The following VWA2 variants were observed in gnomAD, a reference collection of about 807,000 sequenced individuals.
The protein encoded by VWA2 is von Willebrand factor A domain containing 2, also known as von Willebrand factor A domain-containing protein 2.
A neutral mutation model predicts 70.4 loss-of-function variants in VWA2; 73 were observed. That is an observed-to-expected ratio of 1.04 (90% CI 0.86 to 1.26). The LOEUF is 1.26. VWA2 is among the 50% of genes most tolerant of loss of function. The pLI is 0.00. For missense variants in VWA2, 1,011 were observed against 998.5 expected, an observed-to-expected ratio of 1.01 and a Z score of -0.17; for synonymous variants, 407 against 423.3, an observed-to-expected ratio of 0.96 and a Z score of 0.47.
intron 6 of VWA2, among the ~76,000 whole-genome samples, chr10:114,274,017 A>T (rs1349459555): frequency 6.6e-6 from 1 of 152,196 alleles, no homozygotes; most frequent in Non-Finnish European, 1.5e-5. Context: ...GAGTGAAGTG[A>T]GGAGTAAGCC....
chr10:114,282,539 A>T lies in VWA2; in HGVS notation c.857A>T (p.His286Leu), dbSNP rs1276312520. The T allele has an allele frequency of 6.2e-7, 1 of 1,613,468 alleles. No individual in the cohort carries two copies. The highest frequency in any genetic ancestry group is 8.5e-7 in the Non-Finnish European group (1 of 1,179,842). ...AGCTGGAAGAGAGTGTTCCTAACCC[A>T]CCCTGCCACCTGCTACAGGACCACC... ...FYSWKRVFLT[H>L]PATCYRTTCP... The change falls in exon 9 of 14, where the codon CAC becomes CTC. Residue 286 changes from histidine (H) to leucine (L), a missense_variant. Coordinates refer to ENST00000392982, the MANE Select transcript of VWA2 (RefSeq NM_001272046.2).
At chr10:114,246,520 A>AG in intron 1 of VWA2, 1 of 808,128 alleles carries the variant, frequency 1.2e-6, no homozygotes, top group Non-Finnish European at 1.9e-6. Flanking sequence ...AAAAAAAAAA[A>AG]AAAAACGAGT....
chr10:114,240,528 A>AT, intron 1 of VWA2, among the ~76,000 whole-genome samples: 1 of 152,224 alleles, frequency 6.6e-6, no homozygotes. Context: ...CATTTTTCAA[A>AT]TTACAAGCTG....
rs79682383 is a variant in VWA2 at position 114,282,384 on chromosome 10, C to G, written c.834-132C>G. 5,433 of 726,136 alleles carry G rather than the reference C, an allele frequency of 7.5e-3. 219 individuals are homozygous for G. The African/African-American group carries it at 0.084, about 11-fold the overall frequency. 45.0% of individuals were successfully genotyped at this position (726,136 alleles called of 1,614,324 possible). On this transcript the variant is annotated intron_variant, in intron 8 of 13. Coordinates refer to ENST00000392982, the MANE Select transcript of VWA2 (RefSeq NM_001272046.2). The stretch of plus-strand genomic sequence containing the variant: ...GAAAAGTTAGGGTAGAATCAAGAAA[C>G]AAAACCAGGAAGTCTTTCTTACTTC...
At chr10:114,240,146 G>A (rs1044397696) in intron 1 of VWA2, among the ~76,000 whole-genome samples, 12 of 152,212 alleles carry the variant, frequency 7.9e-5, no homozygotes, top group African/African-American at 2.9e-4. Flanking sequence ...CGGCTGCCCC[G>A]AGAGTCCTCG....
chr10:114,277,814 A>AATC, intron 6 of VWA2, 100 bp from the exon 7 acceptor site: 1 of 1,422,658 alleles, frequency 7.0e-7, no homozygotes, highest in Non-Finnish European at 9.3e-7. Context: ...CCAGACACTA[A>AATC]ATCTGTGCTG....
chr10:114,265,708 G>C (rs999881218), intron 5 of VWA2, among the ~76,000 whole-genome samples: 1 of 152,220 alleles, frequency 6.6e-6, no homozygotes, highest in African/African-American at 2.4e-5. Context: ...GAAATGGAGA[G>C]ACACACTAAG....
intron 6 of VWA2, among the ~76,000 whole-genome samples, chr10:114,275,499 G>A (rs983087340): frequency 6.6e-6 from 1 of 152,198 alleles, no homozygotes; most frequent in African/African-American, 2.4e-5. Context: ...CCACACGGTG[G>A]GAATCCCTGT....
rs115267850 is a variant in VWA2, at chr10:114,292,429, A to G, written c.*1192A>G. Among the ~76,000 whole-genome samples, 913 of 152,122 alleles carry G rather than the reference A, an allele frequency of 6.0e-3. 6 individuals are homozygous for G. The highest frequency in any genetic ancestry group is 0.021 in the African/African-American group (879 of 41,476). Reference sequence around the variant, plus strand: ...TTACAGAGATTTTGCTTTTTAAAGCATTGATCTTACGCTGTCTAGGTTTTA... The same window carrying G: ...TTACAGAGATTTTGCTTTTTAAAGCGTTGATCTTACGCTGTCTAGGTTTTA... On this transcript the variant is annotated 3_prime_UTR_variant, in exon 14 of 14. Transcript: ENST00000392982.
chr10:114,266,623 C>A (rs371148360), intron 5 of VWA2, among the ~76,000 whole-genome samples: 20 of 152,284 alleles, frequency 1.3e-4, no homozygotes, highest in African/African-American at 4.6e-4. Flanking sequence ...CATTGCACCC[C>A]ACGATGACAT....
chr10:114,267,461 C>A (rs984447784), intron 5 of VWA2, among the ~76,000 whole-genome samples: 4 of 145,248 alleles, frequency 2.8e-5, no homozygotes, highest in Admixed American at 1.4e-4. Context: ...AAGACAGGGT[C>A]TTTCTCTGTC....
At chr10:114,257,952 A>G (rs1167178311) in intron 4 of VWA2, among the ~76,000 whole-genome samples, 2 of 152,246 alleles carry the variant, frequency 1.3e-5, no homozygotes, top group African/African-American at 4.8e-5. Context: ...GAAAGAGAGC[A>G]GACAATGGCT....
intron 13 of VWA2, among the ~76,000 whole-genome samples, 176 bp from the exon 14 acceptor site, chr10:114,291,042 A>T (rs1038387738): frequency 6.6e-6 from 1 of 152,090 alleles, no homozygotes; most frequent in African/African-American, 2.4e-5. Flanking sequence ...TGGCTTCCTA[A>T]GGCCAGAGAG....
chr10:114,254,063 A>G (rs2037266371), intron 3 of VWA2, among the ~76,000 whole-genome samples: 1 of 151,848 alleles, frequency 6.6e-6, no homozygotes, highest in Non-Finnish European at 1.5e-5. Flanking sequence ...AAAACAGCTC[A>G]GTAAACCTTT....
intron 8 of VWA2, among the ~76,000 whole-genome samples, chr10:114,282,017 C>G (rs1401615049): frequency 8.4e-6 from 1 of 119,662 alleles, no homozygotes; most frequent in African/African-American, 3.2e-5. Context: ...CTTATGTTAC[C>G]TTTTTTTTTT....
intron 4 of VWA2, among the ~76,000 whole-genome samples, chr10:114,259,784 A>C (rs1245904535): frequency 6.6e-6 from 1 of 152,170 alleles, no homozygotes; most frequent in East Asian, 1.9e-4. Flanking sequence ...GCTCCTTCCC[A>C]GAAGCTTCTT....
rs1353008050 is a variant in VWA2 at position 114,246,519 on chromosome 10, AAAAAAAC to A, written c.-10-2184_-10-2178del. 7.0e-5 allele frequency: 56 copies of A among 803,246 alleles called. 2 individuals are homozygous for A. Among genetic ancestry groups the A allele is most frequent in the African/African-American group, 6.7e-4 (35 of 52,444 alleles). 49.8% of individuals were successfully genotyped at this position (803,246 alleles called of 1,614,324 possible). A position where few individuals can be genotyped will look rare whatever the true frequency, so the allele number is the denominator to read the frequency against. ...AAACTCCATCTCAAAAAAAAAAAAA[AAAAAAAC>A]GAGTATCATGGGTTGAATTCACATT... On this transcript the variant is annotated intron_variant, in intron 1 of 13. Transcript: ENST00000392982.
chr10:114,245,219 G>GA (rs2037045081), intron 1 of VWA2, among the ~76,000 whole-genome samples: 1 of 152,192 alleles, frequency 6.6e-6, no homozygotes, highest in East Asian at 1.9e-4. Flanking sequence ...GGCGCCTCTG[G>GA]AAAAACATGC....
At chr10:114,253,050 G>A (rs1416878338) in intron 2 of VWA2, among the ~76,000 whole-genome samples, 1 of 151,088 alleles carries the variant, frequency 6.6e-6, no homozygotes, top group Non-Finnish European at 1.5e-5. Flanking sequence ...CCTACCAGGT[G>A]CAGTTGCAGA....
Sources: gnomAD v4.1 joint callset for allele counts (sites outside exome capture counted in the v4.1 genomes callset) on GRCh38, gnomAD v4.1.1 for gene constraint, MANE v1.5 for transcripts, NCBI Gene and HGNC (gene_info 2026-07-23, HGNC 2026-07-21) for gene names.